Variants in MAPK4 observed in about 807,000 individuals in gnomAD.
MAPK4 encodes the protein mitogen-activated protein kinase 4.
In MAPK4, 22 loss-of-function variants were observed where a neutral mutation model predicts 47.7. That is an observed-to-expected ratio of 0.46 (90% CI 0.33 to 0.66). MAPK4 has a LOEUF of 0.66. Among genes scored for constraint, MAPK4 ranks in the 30% least tolerant of loss-of-function variants. The pLI, the probability that MAPK4 is intolerant of heterozygous loss-of-function variation, is 0.02. For synonymous variants in MAPK4, 390 were observed against 365.7 expected (o/e 1.07, Z -0.76); for missense variants, 736 against 831.7 (o/e 0.88, Z 1.42).
intron 2 of MAPK4, among the ~76,000 whole-genome samples, chr18:50,684,523 G>A (rs921221796): frequency 2.6e-5 from 4 of 151,294 alleles, no homozygotes; most frequent in African/African-American, 9.7e-5. Flanking sequence ...TCCAGCCTGG[G>A]TGAGAGAGCG....
At chr18:50,676,324 A>C (rs903458490) in intron 2 of MAPK4, among the ~76,000 whole-genome samples, 1 of 152,232 alleles carries the variant, frequency 6.6e-6, no homozygotes, top group Non-Finnish European at 1.5e-5. Flanking sequence ...AAATATGTGT[A>C]AAGAGATTAG....
intron 1 of MAPK4, among the ~76,000 whole-genome samples, chr18:50,589,595 C>A (rs374438438): frequency 7.0e-3 from 812 of 115,710 alleles, no homozygotes; most frequent in East Asian, 9.4e-3. Context: ...GACTCCGTCT[C>A]AAAAAAAAAA....
chr18:50,567,708 C>T lies in MAPK4; in HGVS notation c.-871+7465C>T, dbSNP rs571920926. On this transcript the variant is annotated intron_variant, in intron 1 of 5. Coordinates refer to ENST00000400384, the MANE Select transcript of MAPK4 (RefSeq NM_002747.4). Reference sequence around the variant, plus strand: ...CTTACCAACACAGCTAAACATTTTTCTATAGAATTTTTTATAGGACTTTGT... The same window carrying T: ...CTTACCAACACAGCTAAACATTTTTTTATAGAATTTTTTATAGGACTTTGT... Among the ~76,000 whole-genome samples the T allele has an allele frequency of 5.0e-4, 74 of 148,938 alleles. 1 individual carries two copies. Among genetic ancestry groups the T allele is most frequent in the Admixed American group, 2.9e-3 (43 of 14,960 alleles).
chr18:50,577,473 G>C (rs1328313464), intron 1 of MAPK4, among the ~76,000 whole-genome samples: 1 of 152,140 alleles, frequency 6.6e-6, no homozygotes, highest in Non-Finnish European at 1.5e-5. Flanking sequence ...GGGTTTAATT[G>C]GTTTGGAGTC....
At chr18:50,584,853 C>G (rs555482088) in intron 1 of MAPK4, among the ~76,000 whole-genome samples, 1 of 152,302 alleles carries the variant, frequency 6.6e-6, no homozygotes, top group African/African-American at 2.4e-5. Context: ...AAATGCTAGT[C>G]AACATAAACT....
At chr18:50,619,142 A>G (rs2042709264) in intron 1 of MAPK4, among the ~76,000 whole-genome samples, 1 of 152,240 alleles carries the variant, frequency 6.6e-6, no homozygotes, top group Admixed American at 6.5e-5. Flanking sequence ...AACATGTGCC[A>G]ACCAGAGATT....
chr18:50,581,057 A>G (rs2042339502), intron 1 of MAPK4, among the ~76,000 whole-genome samples: 3 of 152,150 alleles, frequency 2.0e-5, no homozygotes, highest in African/African-American at 7.2e-5. Context: ...AAGGAGGAGG[A>G]GTTTGCATGT....
intron 2 of MAPK4, among the ~76,000 whole-genome samples, chr18:50,703,554 T>C (rs1289848853): frequency 6.6e-6 from 1 of 152,202 alleles, no homozygotes; most frequent in Non-Finnish European, 1.5e-5. Flanking sequence ...TTAGTCTTGC[T>C]AACAGAAGAC....
At chr18:50,614,410 A>G (rs2042666326) in intron 1 of MAPK4, among the ~76,000 whole-genome samples, 1 of 152,162 alleles carries the variant, frequency 6.6e-6, no homozygotes, top group Non-Finnish European at 1.5e-5. Context: ...CTAAAATTTA[A>G]GATCAAAACA....
At chr18:50,674,555 G>C (rs961529199) in intron 2 of MAPK4, among the ~76,000 whole-genome samples, 1 of 152,084 alleles carries the variant, frequency 6.6e-6, no homozygotes, top group African/African-American at 2.4e-5. Flanking sequence ...CCATTCCCTG[G>C]AAAATACCAT....
In MAPK4 at chr18:50,729,335, C is replaced by T. The variant is rs1911394639; in HGVS notation, c.1245C>T (p.Ser415=). ...GCTTCCTAGAGCAGTCGCACTCGTC[C>T]ATGGAGCGCGCCTTCGAGGCCGACT... is the stretch of plus-strand genomic sequence containing the variant. The part of the protein sequence containing the change: ...SERFLEQSHS[S]MERAFEADYG... Residue 415 remains serine (S), a synonymous_variant, in exon 6 of 6, where the codon TCC becomes TCT. Transcript: ENST00000400384. 2 of 1,592,518 alleles carry T rather than the reference C, an allele frequency of 1.3e-6. No homozygotes were observed. Among genetic ancestry groups the T allele is most frequent in the Admixed American group, 3.5e-5 (2 of 57,710 alleles).
Position 50,663,996 on chromosome 18 carries a change from G to T in MAPK4, c.38G>T (p.Gly13Val), listed in dbSNP as rs1402455259. ...GGTGACTGCATCGCCAGTGTCTATG[G>T]GTATGACCTCGGTGGGCGCTTTGTT... is the stretch of plus-strand genomic sequence containing the variant. ...EKGDCIASVY[G>V]YDLGGRFVDF... The change falls in exon 2 of 6, where the codon GGG becomes GTG. Residue 13 changes from glycine (G) to valine (V), a missense_variant. Transcript: ENST00000400384. 1.2e-6 allele frequency: 2 copies of T among 1,613,828 alleles called. No individual in the cohort carries two copies. Among genetic ancestry groups the T allele is most frequent in the East Asian group, 4.5e-5 (2 of 44,876 alleles).
At chr18:50,625,188 T>G (rs2042766204) in intron 1 of MAPK4, among the ~76,000 whole-genome samples, 1 of 151,986 alleles carries the variant, frequency 6.6e-6, no homozygotes, top group Non-Finnish European at 1.5e-5. Context: ...GGGGGAGGCA[T>G]GGGAGAGAGA....
At chr18:50,721,467 C>T (rs921019720) in intron 3 of MAPK4, among the ~76,000 whole-genome samples, 1 of 152,180 alleles carries the variant, frequency 6.6e-6, no homozygotes, top group African/African-American at 2.4e-5. Context: ...ATTTGTTATT[C>T]CTGATTTGTT....
intron 2 of MAPK4, among the ~76,000 whole-genome samples, chr18:50,708,889 A>G (rs1208303071): frequency 1.3e-5 from 2 of 152,168 alleles, no homozygotes; most frequent in African/African-American, 4.8e-5. Flanking sequence ...AACTATGATG[A>G]GAGTCCCTAC....
intron 1 of MAPK4, among the ~76,000 whole-genome samples, chr18:50,627,883 T>C (rs117478401): frequency 0.011 from 1,725 of 152,250 alleles, 25 homozygotes; most frequent in South Asian, 0.066. Flanking sequence ...AGCAGCATTC[T>C]CCCTGATGTC....
intron 2 of MAPK4, among the ~76,000 whole-genome samples, chr18:50,704,208 G>A (rs1392362252): frequency 6.6e-6 from 1 of 152,026 alleles, no homozygotes; most frequent in African/African-American, 2.4e-5. Flanking sequence ...ACCTCATCCC[G>A]CATCAGTAGA....
intron 1 of MAPK4, among the ~76,000 whole-genome samples, chr18:50,588,107 C>T (rs2042404540): frequency 7.4e-5 from 2 of 26,898 alleles, no homozygotes; most frequent in African/African-American, 3.0e-4. Flanking sequence ...GCTAATGTAA[C>T]AAACCACCCC....
chr18:50,710,053 G>A (rs565898976), intron 2 of MAPK4, among the ~76,000 whole-genome samples: 5 of 152,150 alleles, frequency 3.3e-5, no homozygotes, highest in Non-Finnish European at 7.3e-5. Context: ...TATCATCCTA[G>A]CCTGGAAACA....
Sources: gnomAD v4.1 joint callset for allele counts (sites outside exome capture counted in the v4.1 genomes callset) on GRCh38, gnomAD v4.1.1 for gene constraint, MANE v1.5 for transcripts, NCBI Gene and HGNC (gene_info 2026-07-23, HGNC 2026-07-21) for gene names.